The following ARPP21 variants were observed in gnomAD, a reference collection of about 807,000 sequenced individuals.
ARPP21 encodes cAMP-regulated phosphoprotein 21.
A neutral mutation model predicts 113.2 loss-of-function variants in ARPP21; 69 were observed. The observed-to-expected ratio is 0.61, with a 90% CI of 0.50 to 0.74. ARPP21 has a LOEUF of 0.74. Ranked by LOEUF, ARPP21 falls within the 30% of genes least tolerant of loss-of-function variation. ARPP21 has a pLI of 0.00. For missense variants in ARPP21, 1,070 were observed against 1,037.4 expected (o/e 1.03, Z -0.43); for synonymous variants, 368 against 375.5 (o/e 0.98, Z 0.23).
chr3:35,642,631 G>A (rs1282382989), intron 1 of ARPP21, among the ~76,000 whole-genome samples: 3 of 152,068 alleles, frequency 2.0e-5, no homozygotes, highest in Non-Finnish European at 2.9e-5. Context: ...TTTAATACAA[G>A]CTGTCATATT....
intron 19 of ARPP21, among the ~76,000 whole-genome samples, chr3:35,761,203 G>C (rs111981829): frequency 3.3e-5 from 5 of 152,032 alleles, no homozygotes; most frequent in African/African-American, 9.7e-5. Context: ...GTTTTCAAAG[G>C]CATCTAGGTT....
At chr3:35,667,956 AGAAG>A (rs2075072431) in intron 1 of ARPP21, among the ~76,000 whole-genome samples, 1 of 35,424 alleles carries the variant, frequency 2.8e-5, no homozygotes, top group South Asian at 1.6e-3. Context: ...GAAAAGAAGA[AGAAG>A]AAGAAGAAGA....
At chr3:35,700,716 C>T (rs1191774512) in intron 9 of ARPP21, among the ~76,000 whole-genome samples, 1 of 151,600 alleles carries the variant, frequency 6.6e-6, no homozygotes, top group Non-Finnish European at 1.5e-5. Context: ...CAAAGTAGCA[C>T]CAGAGAGAAG....
intron 1 of ARPP21, among the ~76,000 whole-genome samples, chr3:35,644,085 T>C (rs539092958): frequency 1.7e-4 from 26 of 152,032 alleles, no homozygotes; most frequent in Non-Finnish European, 2.2e-4. Context: ...ATGTTAAATA[T>C]GATAAATGAA....
chr3:35,765,972 CAT>C (rs2095958619), intron 19 of ARPP21, among the ~76,000 whole-genome samples: 1 of 152,076 alleles, frequency 6.6e-6, no homozygotes, highest in African/African-American at 2.4e-5. Context: ...GTGTTTGACA[CAT>C]AGAGAGCAAT....
chr3:35,687,132 A>C (rs1337036073), intron 5 of ARPP21, among the ~76,000 whole-genome samples: 1 of 151,302 alleles, frequency 6.6e-6, no homozygotes, highest in Non-Finnish European at 1.5e-5. Flanking sequence ...ATGATTTATT[A>C]GTAGTATTTA....
intron 19 of ARPP21, among the ~76,000 whole-genome samples, chr3:35,747,097 TC>T (rs1197262142): frequency 2.0e-5 from 3 of 152,106 alleles, no homozygotes; most frequent in Non-Finnish European, 4.4e-5. Flanking sequence ...ACACCTATAA[TC>T]CCAGCACTTT....
intron 19 of ARPP21, among the ~76,000 whole-genome samples, chr3:35,756,580 T>G (rs575373850): frequency 6.6e-6 from 1 of 152,148 alleles, no homozygotes; most frequent in Admixed American, 6.5e-5. Context: ...CACCAATCCC[T>G]AATCATGAGG....
intron 19 of ARPP21, among the ~76,000 whole-genome samples, chr3:35,744,194 A>C (rs2094863132): frequency 6.6e-6 from 1 of 152,242 alleles, no homozygotes; most frequent in Admixed American, 6.5e-5. Context: ...CAGTCTCCAT[A>C]AATTATTTTT....
Position 35,643,820 on chromosome 3 carries a change from A to G in ARPP21, c.-213+3422A>G, listed in dbSNP as rs1051280630. ...TCGACAATGAAAGCCATTTCTTCTT[A>G]TGGTAAGTACTGGCATCATTCTAAC... is the stretch of plus-strand genomic sequence containing the variant. On this transcript the variant is annotated intron_variant, in intron 1 of 20. Transcript: ENST00000684406. 6 of 152,188 alleles carry G rather than the reference A, an allele frequency of 3.9e-5. No individual in the cohort carries two copies. In the East Asian group the frequency reaches 1.2e-3, roughly 29 times the overall value. 9.4% of individuals were successfully genotyped at this position (152,188 alleles called of 1,614,324 possible). A position where few individuals can be genotyped will look rare whatever the true frequency, so the allele number is the denominator to read the frequency against.
At chr3:35,690,725 G>T in intron 8 of ARPP21, 140 bp from the exon 9 acceptor site, 1 of 716,618 alleles carries the variant, frequency 1.4e-6, no homozygotes, top group Non-Finnish European at 2.1e-6. Flanking sequence ...CTAGAAATTA[G>T]GACATTAAGT....
intron 1 of ARPP21, among the ~76,000 whole-genome samples, chr3:35,661,706 C>T (rs2149157663): frequency 6.6e-6 from 1 of 152,226 alleles, no homozygotes; most frequent in Admixed American, 6.5e-5. Flanking sequence ...TTGTAGGCAA[C>T]AATAATACAT....
intron 1 of ARPP21, among the ~76,000 whole-genome samples, chr3:35,653,252 G>A (rs13082427): frequency 0.033 from 4,878 of 147,082 alleles, 109 homozygotes; most frequent in Middle Eastern, 0.056. Context: ...TATATTTAGG[G>A]ATTCTTGTTG....
chr3:35,667,463 G>C (rs1296073632), intron 1 of ARPP21, among the ~76,000 whole-genome samples: 3 of 151,936 alleles, frequency 2.0e-5, no homozygotes, highest in Admixed American at 6.6e-5. Flanking sequence ...TGAATTCCAA[G>C]CATTCTACTA....
intron 19 of ARPP21, among the ~76,000 whole-genome samples, chr3:35,773,589 C>G (rs1329366904): frequency 6.6e-6 from 1 of 152,104 alleles, no homozygotes; most frequent in African/African-American, 2.4e-5. Context: ...AATAGCAGCT[C>G]TCTCACACCT....
At position 35,743,132 on chromosome 3, in the gene ARPP21, T is replaced by C. The variant is rs557824949; in HGVS notation, c.2011-707T>C. 2.0e-5 allele frequency among the ~76,000 whole-genome samples: 3 copies of C among 152,352 alleles called. No homozygotes were observed. In the South Asian group the frequency reaches 6.2e-4, roughly 32 times the overall value. On this transcript the variant is annotated intron_variant, in intron 18 of 20. Coordinates refer to ENST00000684406, the MANE Select transcript of ARPP21 (RefSeq NM_001385562.1). ...CATTCTGCAATGTGCTTTGATAGAC[T>C]ACCATATTTCATGATTGCATTCTCT...
At chr3:35,748,090 GAA>G (rs747514019) in intron 19 of ARPP21, among the ~76,000 whole-genome samples, 470 of 120,418 alleles carry the variant, frequency 3.9e-3, no homozygotes, top group Non-Finnish European at 5.7e-3. Context: ...AAGAAAGAAA[GAA>G]AGAAAGAAAG....
intron 1 of ARPP21, among the ~76,000 whole-genome samples, chr3:35,664,843 C>G (rs1233681716): frequency 6.6e-6 from 1 of 152,114 alleles, no homozygotes; most frequent in South Asian, 2.1e-4. Context: ...GTTCTCTGAG[C>G]TGGAACCGAC....
rs1300651748 is a variant in ARPP21, at chr3:35,737,571, G to A, written c.1644+209G>A. Reference sequence around the variant, plus strand: ...AGGTGAGTGCCCCATGCAGTAACTTGCAAGTTGAAGGCATGAAAGTAGGGA... The same window carrying A: ...AGGTGAGTGCCCCATGCAGTAACTTACAAGTTGAAGGCATGAAAGTAGGGA... On this transcript the variant is annotated intron_variant, in intron 16 of 20. Transcript: ENST00000684406. Among the ~76,000 whole-genome samples the A allele has an allele frequency of 2.6e-5, 4 of 152,250 alleles. No individual in the cohort carries two copies. The East Asian group carries it at 7.7e-4, about 29-fold the overall frequency.
Sources: gnomAD v4.1 joint callset for allele counts (sites outside exome capture counted in the v4.1 genomes callset) on GRCh38, gnomAD v4.1.1 for gene constraint, MANE v1.5 for transcripts, NCBI Gene and HGNC (gene_info 2026-07-23, HGNC 2026-07-21) for gene names.